Variants in MYL4 observed in about 807,000 individuals in gnomAD.
MYL4 encodes the protein myosin light chain 4.
MYL4 carries 16 observed loss-of-function variants against 21.6 expected under a neutral mutation model. The observed-to-expected ratio is 0.74, with a 90% CI of 0.50 to 1.12. The LOEUF is 1.12. Ranked by LOEUF, MYL4 falls within the 50% of genes most tolerant of loss-of-function variation. The pLI is 0.00. For missense variants in MYL4, 249 were observed against 252.9 expected, an observed-to-expected ratio of 0.98 and a Z score of 0.11; for synonymous variants, 82 against 95.7, an observed-to-expected ratio of 0.86 and a Z score of 0.83.
chr17:47,212,773 T>A, intron 1 of MYL4, among the ~76,000 whole-genome samples: 1 of 152,220 alleles, frequency 6.6e-6, no homozygotes, highest in Admixed American at 6.5e-5. Context: ...GTTTGGGGAT[T>A]TGGCTATTAT....
chr17:47,196,375 C>G (rs1261470452), upstream of MYL4, among the ~76,000 whole-genome samples: 2 of 152,180 alleles, frequency 1.3e-5, no homozygotes, highest in African/African-American at 4.8e-5. Context: ...CTCTAATGTT[C>G]AAGCCACCCG....
chr17:47,203,392 A>G (rs973512496), intron 1 of MYL4, among the ~76,000 whole-genome samples: 4 of 151,438 alleles, frequency 2.6e-5, no homozygotes, highest in African/African-American at 9.7e-5. Context: ...TCAATTCCCT[A>G]ATTTGTTTCC....
intron 3 of MYL4, 128 bp downstream of exon 3, chr17:47,220,181 C>G: frequency 4.2e-6 from 5 of 1,177,684 alleles, no homozygotes; most frequent in Non-Finnish European, 5.8e-6. Flanking sequence ...GGACCAGCCT[C>G]ACCTACCCAG....
At chr17:47,227,506 G>A (rs529642861), downstream of MYL4, among the ~76,000 whole-genome samples, 2 of 152,146 alleles carry the variant, frequency 1.3e-5, no homozygotes, top group South Asian at 2.1e-4. Flanking sequence ...AATTTACACT[G>A]AATGTGCCTG....
chr17:47,211,875 T>C (rs1377036945), intron 1 of MYL4, among the ~76,000 whole-genome samples: 2 of 140,028 alleles, frequency 1.4e-5, no homozygotes, highest in Admixed American at 1.4e-4. Flanking sequence ...TGGGATGGGA[T>C]GGGGTGGGGT....
chr17:47,203,194 G>T (rs1001302294), intron 1 of MYL4, among the ~76,000 whole-genome samples: 2 of 152,090 alleles, frequency 1.3e-5, no homozygotes, highest in Non-Finnish European at 2.9e-5. Context: ...CAAGTGATCT[G>T]CCTGCCTCAG....
At chr17:47,223,768 A>G (rs1313961254), downstream of MYL4, 1 of 152,226 alleles carries the variant, frequency 6.6e-6, no homozygotes, top group Non-Finnish European at 1.5e-5. Context: ...AGAGAGAGAT[A>G]AAGTCACCTG....
Position 47,209,435 on chromosome 17 carries a change from AAGCCTGAGCCTAAGAAGGAGGC to A in MYL4, c.18_39del (p.Glu7SerfsTer31). ...CCAACAAGACAACATGGCTCCCAAG[AAGCCTGAGCCTAAGAAGGAGGC>A]AGCCAAGCCAGCTCCAGCTCCAGCT... On this transcript the variant is annotated frameshift_variant, in exon 1 of 7. Coordinates refer to ENST00000393450, the MANE Select transcript of MYL4 (RefSeq NM_002476.2). LOFTEE classifies it high-confidence loss of function. 1 of 1,614,154 alleles carries A rather than the reference AAGCCTGAGCCTAAGAAGGAGGC, an allele frequency of 6.2e-7. No individual in the cohort carries two copies. The highest frequency in any genetic ancestry group is 8.5e-7 in the Non-Finnish European group (1 of 1,180,016).
At chr17:47,190,435 A>G in the MYL4 span, among the ~76,000 whole-genome samples, 182 of 152,360 alleles carry the variant, frequency 1.2e-3, 2 homozygotes, top group Non-Finnish European at 2.0e-3. Flanking sequence ...GTTTTTCAGC[A>G]GATGAGGAAA....
In MYL4 at chr17:47,202,078, G is replaced by A. The variant is rs112015966; in HGVS notation, c.-35+1492G>A. Among the ~76,000 whole-genome samples the A allele has an allele frequency of 5.0e-3, 754 of 151,970 alleles. 2 individuals are homozygous for A. Among genetic ancestry groups the A allele is most frequent in the African/African-American group, 0.017 (713 of 41,434 alleles). On this transcript the variant is annotated intron_variant and NMD_transcript_variant, in intron 1 of 6. Coordinates refer to the MYL4 transcript ENST00000571981. ...TCGGCTCACTGCAATCTCCACCTCC[G>A]GCATTCAAGTGATTCTCCTGCCTCA...
At chr17:47,197,115 T>G (rs1042033129), upstream of MYL4, among the ~76,000 whole-genome samples, 2 of 129,022 alleles carry the variant, frequency 1.6e-5, no homozygotes, top group African/African-American at 5.6e-5. Context: ...TTTTTTTTTT[T>G]TGAGACAGAG....
At chr17:47,206,306 G>C (rs965091462), upstream of MYL4, among the ~76,000 whole-genome samples, 2 of 151,568 alleles carry the variant, frequency 1.3e-5, no homozygotes, top group Non-Finnish European at 2.9e-5. Flanking sequence ...TTGCTTCTTA[G>C]AATTTAGAAA....
chr17:47,213,412 TAC>T (rs2070870916), intron 1 of MYL4, among the ~76,000 whole-genome samples: 1 of 152,226 alleles, frequency 6.6e-6, no homozygotes, highest in Non-Finnish European at 1.5e-5. Context: ...GCATATAATC[TAC>T]ACACAACCTC....
upstream of MYL4, among the ~76,000 whole-genome samples, chr17:47,198,077 AGGATTATGTGCATT>A (rs1397565395): frequency 6.6e-6 from 1 of 152,202 alleles, no homozygotes; most frequent in Non-Finnish European, 1.5e-5. Flanking sequence ...CTAACAGCTG[AGGATTATGTGCATT>A]GGAGGAGAGA....
At chr17:47,210,977 C>G (rs1235723762) in intron 1 of MYL4, among the ~76,000 whole-genome samples, 1 of 152,064 alleles carries the variant, frequency 6.6e-6, no homozygotes, top group African/African-American at 2.4e-5. Flanking sequence ...GGTTGCCAGG[C>G]CTTGTCCCTG....
chr17:47,194,734 C>T, the MYL4 span, among the ~76,000 whole-genome samples: 1 of 152,006 alleles, frequency 6.6e-6, no homozygotes, highest in South Asian at 2.1e-4. Flanking sequence ...ACTCATGTCT[C>T]CTTTATAGTC....
chr17:47,201,704 C>T (rs1266872408), intron 1 of MYL4, among the ~76,000 whole-genome samples: 1 of 152,136 alleles, frequency 6.6e-6, no homozygotes, highest in African/African-American at 2.4e-5. Context: ...GATCCGCCCG[C>T]CTCGGCCTCC....
At chr17:47,213,902 G>A in intron 2 of MYL4, 76 bp downstream of exon 2, 1 of 1,490,380 alleles carries the variant, frequency 6.7e-7, no homozygotes, top group Non-Finnish European at 9.4e-7. Context: ...AAGAAGAGGA[G>A]GAGTAGTTGT....
chr17:47,209,440 T>A lies in MYL4; in HGVS notation c.18T>A (p.Pro6=). 1 of 1,614,190 alleles carries A rather than the reference T, an allele frequency of 6.2e-7. No individual in the cohort carries two copies. Among genetic ancestry groups the A allele is most frequent in the Non-Finnish European group, 8.5e-7 (1 of 1,180,036 alleles). MAPKK[P]EPKKEAAKPA... is the part of the protein sequence containing the mutation. ...AAGACAACATGGCTCCCAAGAAGCC[T>A]GAGCCTAAGAAGGAGGCAGCCAAGC... The change falls in exon 1 of 7, where the codon CCT becomes CCA. Residue 6 remains proline (P), a synonymous_variant. Transcript: ENST00000393450.
Sources: allele counts gnomAD v4.1 joint callset (sites outside exome capture counted in the v4.1 genomes callset), GRCh38; gene constraint gnomAD v4.1.1; transcripts MANE v1.5; gene names NCBI Gene and HGNC (gene_info 2026-07-23, HGNC 2026-07-21).